The following ARID5B variants were observed in gnomAD, a reference collection of about 807,000 sequenced individuals.
The protein encoded by ARID5B is AT-rich interaction domain 5B.
Under a neutral mutation model 97.2 loss-of-function variants are expected in ARID5B, and 13 were observed. That is an observed-to-expected ratio of 0.13 (90% CI 0.09 to 0.21). The LOEUF is 0.21. Ranked by LOEUF, ARID5B falls within the 10% of genes least tolerant of loss-of-function variation. The pLI, the probability that ARID5B is intolerant of heterozygous loss-of-function variation, is 1.00. For missense variants in ARID5B, 1,210 were observed against 1,465.3 expected (o/e 0.83, Z 2.84); for synonymous variants, 556 against 570.3 (o/e 0.97, Z 0.36).
intron 4 of ARID5B, among the ~76,000 whole-genome samples, chr10:62,008,220 G>A (rs1488863113): frequency 6.6e-6 from 1 of 152,144 alleles, no homozygotes; most frequent in African/African-American, 2.4e-5. Flanking sequence ...TTACATGAAT[G>A]GATGGATACG....
chr10:62,010,833 C>T (rs1839207416), intron 4 of ARID5B, among the ~76,000 whole-genome samples: 1 of 152,180 alleles, frequency 6.6e-6, no homozygotes, highest in Non-Finnish European at 1.5e-5. Context: ...CAACTTGTAA[C>T]ACAGATACCA....
At chr10:61,920,608 A>T (rs1402318460) in intron 2 of ARID5B, among the ~76,000 whole-genome samples, 1 of 151,632 alleles carries the variant, frequency 6.6e-6, no homozygotes, top group South Asian at 2.1e-4. Flanking sequence ...ATAAAAGATG[A>T]CTCTTAAATG....
chr10:61,934,487 G>T (rs1434651952), intron 2 of ARID5B, among the ~76,000 whole-genome samples: 3 of 152,150 alleles, frequency 2.0e-5, no homozygotes, highest in Non-Finnish European at 4.4e-5. Context: ...GATTTAAAGG[G>T]AGAGGCATGG....
rs765121514 is a variant in ARID5B at position 61,940,247 on chromosome 10, A to C, written c.341A>C (p.His114Pro). The change falls in exon 3 of 10, where the codon CAT (histidine) becomes CCT (proline). Residue 114 changes from histidine to proline, a missense_variant. His to Pro is a moderately conservative substitution (Grantham distance 77). This residue lies in a region of ARID5B where 82 missense variants were observed against 79.3 expected (regional missense o/e 1.03). Transcript: ENST00000279873. ...CTTGAAGACCTGGTCAAGTGGGTAC[A>C]TTCTGATTTCTCCAAGTGGAGATGT... ...VKLEDLVKWVHSDFSKWRCGF... is the reference protein window; with the variant it reads ...VKLEDLVKWVPSDFSKWRCGF... The C allele has an allele frequency of 5.0e-6, 8 of 1,614,100 alleles. No homozygotes were observed. Among genetic ancestry groups the C allele is most frequent in the Non-Finnish European group, 6.8e-6 (8 of 1,180,032 alleles).
At chr10:62,076,255 CTG>C (rs1414815091) in intron 8 of ARID5B, among the ~76,000 whole-genome samples, 1 of 152,150 alleles carries the variant, frequency 6.6e-6, no homozygotes, top group Non-Finnish European at 1.5e-5. Flanking sequence ...ATATCTATGT[CTG>C]TGGTGGGCAT....
intron 3 of ARID5B, among the ~76,000 whole-genome samples, chr10:61,944,945 G>A (rs970628122): frequency 1.3e-5 from 2 of 152,144 alleles, no homozygotes; most frequent in African/African-American, 4.8e-5. Flanking sequence ...TTAATGATGG[G>A]GGTTCCCTCA....
At chr10:62,074,701 G>A (rs1321524122) in intron 8 of ARID5B, among the ~76,000 whole-genome samples, 1 of 152,154 alleles carries the variant, frequency 6.6e-6, no homozygotes, top group African/African-American at 2.4e-5. Context: ...GGAGTTAATA[G>A]ATACGCAATT....
chr10:62,015,535 T>C lies in ARID5B; in HGVS notation c.733+15214T>C, dbSNP rs116768263. On this transcript the variant is annotated intron_variant, in intron 4 of 9. Transcript: ENST00000279873. ...GACTTTTGTCAAATATATACAGCAG[T>C]GCTCCTATGGGGGAAACCGAGTACA... Among the ~76,000 whole-genome samples the C allele has an allele frequency of 7.1e-3, 1,078 of 152,340 alleles. 15 individuals carry two copies. Among genetic ancestry groups the C allele is most frequent in the African/African-American group, 0.025 (1,036 of 41,578 alleles).
chr10:62,037,318 A>T (rs1839578712), intron 4 of ARID5B, among the ~76,000 whole-genome samples: 1 of 152,188 alleles, frequency 6.6e-6, no homozygotes, highest in South Asian at 2.1e-4. Flanking sequence ...CCTTCTGTTG[A>T]TTCCAGAGAG....
At chr10:62,049,936 C>G (rs958676957) in intron 4 of ARID5B, among the ~76,000 whole-genome samples, 1 of 152,178 alleles carries the variant, frequency 6.6e-6, no homozygotes, top group African/African-American at 2.4e-5. Context: ...AATTCATTAG[C>G]TTGGAGTCAT....
At chr10:62,090,789 A>G in intron 9 of ARID5B, 73 bp from the exon 10 acceptor site, 2 of 1,500,950 alleles carry the variant, frequency 1.3e-6, no homozygotes, top group South Asian at 2.8e-5. Context: ...GCTGTGTGGA[A>G]TATTTTATTT....
chr10:62,049,964 AGTTG>A (rs945936135), intron 4 of ARID5B, among the ~76,000 whole-genome samples: 1 of 152,178 alleles, frequency 6.6e-6, no homozygotes, highest in Non-Finnish European at 1.5e-5. Flanking sequence ...GTGGTTGGTT[AGTTG>A]GTTGTTTTTA....
In ARID5B at chr10:61,926,875, C is replaced by T. The variant is rs188427105; in HGVS notation, c.277-13308C>T. Among the ~76,000 whole-genome samples, 878 of 152,306 alleles carry T rather than the reference C, an allele frequency of 5.8e-3. 8 individuals are homozygous for T. Among genetic ancestry groups the T allele is most frequent in the Non-Finnish European group, 6.6e-3 (449 of 68,030 alleles). Reference sequence around the variant, plus strand: ...TCCTGACCTCGTGATCTGCCCGCCTCGGCCTCCCAAAGTGCTGGGATTACA... The same window carrying T: ...TCCTGACCTCGTGATCTGCCCGCCTTGGCCTCCCAAAGTGCTGGGATTACA... On this transcript the variant is annotated intron_variant, in intron 2 of 9. Transcript: ENST00000279873.
intron 4 of ARID5B, among the ~76,000 whole-genome samples, chr10:62,026,547 GTAGA>G (rs1437736005): frequency 6.6e-6 from 1 of 152,140 alleles, no homozygotes; most frequent in Non-Finnish European, 1.5e-5. Context: ...GTCAGATTCC[GTAGA>G]TAAAGGAATA....
chr10:62,036,579 G>C (rs1304340368), intron 4 of ARID5B, among the ~76,000 whole-genome samples: 2 of 152,228 alleles, frequency 1.3e-5, no homozygotes, highest in Admixed American at 6.5e-5. Flanking sequence ...TTGCTTGTAT[G>C]TTTTGGCATA....
intron 3 of ARID5B, among the ~76,000 whole-genome samples, chr10:61,998,396 T>C (rs749720608): frequency 6.6e-6 from 1 of 152,174 alleles, no homozygotes; most frequent in Non-Finnish European, 1.5e-5. Context: ...GCAAGTGACA[T>C]GTCTGGGAAT....
intron 8 of ARID5B, among the ~76,000 whole-genome samples, chr10:62,070,685 G>C (rs1242059182): frequency 6.6e-6 from 1 of 152,124 alleles, no homozygotes; most frequent in Non-Finnish European, 1.5e-5. Flanking sequence ...ATAATAAATT[G>C]AATTGGGTTT....
intron 2 of ARID5B, among the ~76,000 whole-genome samples, chr10:61,925,520 A>G (rs1844088852): frequency 6.6e-6 from 1 of 152,178 alleles, no homozygotes; most frequent in Admixed American, 6.5e-5. Context: ...CTTAACTAAC[A>G]CTGATATAAG....
chr10:61,927,467 C>T (rs1279930423), intron 2 of ARID5B, among the ~76,000 whole-genome samples: 1 of 152,184 alleles, frequency 6.6e-6, no homozygotes, highest in East Asian at 1.9e-4. Context: ...TTTCTTCCAA[C>T]ATGGTACATT....
Sources: allele counts gnomAD v4.1 joint callset (sites outside exome capture counted in the v4.1 genomes callset), GRCh38; gene constraint gnomAD v4.1.1; regional missense constraint gnomAD v4.1.1; transcripts MANE v1.5; gene names NCBI Gene and HGNC (gene_info 2026-07-23, HGNC 2026-07-21).